Variants in MCC observed in about 807,000 individuals in gnomAD.
MCC encodes colorectal mutant cancer protein.
A neutral mutation model predicts 116.2 loss-of-function variants in MCC; 90 were observed. The observed-to-expected ratio is 0.77, with a 90% CI of 0.65 to 0.92. The LOEUF is 0.92. Among genes scored for constraint, MCC ranks in the 40% least tolerant of loss-of-function variants. The pLI is 0.00. For missense variants in MCC, 1,516 were observed against 1,312.2 expected, an observed-to-expected ratio of 1.16 and a Z score of -2.40; for synonymous variants, 578 against 510.5, an observed-to-expected ratio of 1.13 and a Z score of -1.78.
Position 113,331,999 on chromosome 5 carries a change from A to G in MCC, c.627+8520T>C, listed in dbSNP as rs1020393634. The stretch of plus-strand genomic sequence containing the variant: ...TCATTCAGCATAATTTTTAATGACA[A>G]TACCACCTTGAGAACTCCTGATGAC... On this transcript the variant is annotated intron_variant, in intron 3 of 18. Transcript: ENST00000408903. Among the ~76,000 whole-genome samples, 3 of 151,582 alleles carry G rather than the reference A, an allele frequency of 2.0e-5. 1 individual carries two copies. Among genetic ancestry groups the G allele is most frequent in the Admixed American group, 2.0e-4 (3 of 15,230 alleles).
intron 3 of MCC, among the ~76,000 whole-genome samples, chr5:113,240,275 C>T (rs80144829): frequency 0.034 from 5,135 of 152,144 alleles, 113 homozygotes; most frequent in East Asian, 0.08. Context: ...CTAAATATAC[C>T]CAGGCCTCAG....
At chr5:113,153,868 TG>T (rs984012012) in intron 3 of MCC, among the ~76,000 whole-genome samples, 2 of 152,238 alleles carry the variant, frequency 1.3e-5, no homozygotes, top group African/African-American at 4.8e-5. Context: ...GGTTAGGATC[TG>T]GAATCCAGAG....
At chr5:113,075,941 A>G (rs1041649368) in intron 11 of MCC, among the ~76,000 whole-genome samples, 4 of 152,126 alleles carry the variant, frequency 2.6e-5, no homozygotes, top group African/African-American at 9.7e-5. Context: ...CCCCTTTAAG[A>G]GCTGTAACTC....
intron 3 of MCC, among the ~76,000 whole-genome samples, chr5:113,165,996 A>T (rs1380446580): frequency 2.0e-5 from 3 of 152,308 alleles, no homozygotes; most frequent in East Asian, 3.9e-4. Context: ...TGAAGGCTGC[A>T]TATTTTCCCA....
chr5:113,102,445 A>G (rs1207259292), intron 7 of MCC, among the ~76,000 whole-genome samples: 1 of 152,228 alleles, frequency 6.6e-6, no homozygotes, highest in Non-Finnish European at 1.5e-5. Context: ...TCCAGCTTTT[A>G]GTGCCACATC....
At chr5:113,294,587 G>T (rs920165748) in intron 3 of MCC, 9 of 1,244,484 alleles carry the variant, frequency 7.2e-6, no homozygotes, top group African/African-American at 1.6e-5. Flanking sequence ...TTTCACGGAC[G>T]AGCCATTGCT....
chr5:113,126,018 C>G (rs1280845578), intron 5 of MCC, among the ~76,000 whole-genome samples: 1 of 152,152 alleles, frequency 6.6e-6, no homozygotes, highest in Non-Finnish European at 1.5e-5. Flanking sequence ...AAGTGACACT[C>G]TGTAGTGGTA....
At chr5:113,429,057 A>G (rs1042159606) in intron 1 of MCC, among the ~76,000 whole-genome samples, 1 of 152,170 alleles carries the variant, frequency 6.6e-6, no homozygotes, top group African/African-American at 2.4e-5. Flanking sequence ...GCTCTCCTTC[A>G]CCGAAGAAAT....
At chr5:113,351,594 A>C (rs1768269412) in intron 2 of MCC, among the ~76,000 whole-genome samples, 1 of 152,148 alleles carries the variant, frequency 6.6e-6, no homozygotes, top group South Asian at 2.1e-4. Context: ...TGTGTACAAA[A>C]AAATAGTTAG....
At position 113,095,876 on chromosome 5, in the gene MCC, A is replaced by G. The variant is rs56364649; in HGVS notation, c.1398+5863T>C. ...TGTCAATACTATCAATATTATTAACAGAGCCTTTCTTAAAAATAAGCCCTA... is the reference window on the plus strand; with the variant it reads ...TGTCAATACTATCAATATTATTAACGGAGCCTTTCTTAAAAATAAGCCCTA... On this transcript the variant is annotated intron_variant, in intron 8 of 18. Coordinates refer to ENST00000408903, the MANE Select transcript of MCC (RefSeq NM_001085377.2). Among the ~76,000 whole-genome samples, 860 of 152,200 alleles carry G rather than the reference A, an allele frequency of 5.7e-3. 6 individuals are homozygous for G. The highest frequency in any genetic ancestry group is 9.0e-3 in the Admixed American group (138 of 15,292).
intron 1 of MCC, among the ~76,000 whole-genome samples, chr5:113,469,569 C>A (rs890925044): frequency 2.6e-5 from 4 of 152,146 alleles, no homozygotes; most frequent in African/African-American, 9.7e-5. Context: ...AATTTCTGTT[C>A]TTTTACATTT....
chr5:113,272,965 C>T (rs1031639188), intron 3 of MCC, among the ~76,000 whole-genome samples: 2 of 152,108 alleles, frequency 1.3e-5, no homozygotes, highest in African/African-American at 4.8e-5. Context: ...TTTCTTGGGG[C>T]TGCCAGCAAC....
Position 113,488,277 on chromosome 5 carries a change from C to A in MCC, c.138G>T (p.Thr46=), listed in dbSNP as rs376589810. 4.6e-5 allele frequency: 73 copies of A among 1,595,558 alleles called. No homozygotes were observed. The African/African-American group carries it at 9.0e-4, about 20-fold the overall frequency. ...EEERMRRLFQ[T]CDGDGDGYIS... ...TGTATCCGTCCCCGTCGCCGTCGCA[C>A]GTCTGGAAGAGGCGCCGCATCCTCT... The change falls in exon 1 of 19, where the codon ACG becomes ACT. Residue 46 remains threonine (T), a synonymous_variant. Coordinates refer to ENST00000408903, the MANE Select transcript of MCC (RefSeq NM_001085377.2).
chr5:113,330,847 T>C (rs1466736901), intron 3 of MCC, among the ~76,000 whole-genome samples: 1 of 152,186 alleles, frequency 6.6e-6, no homozygotes, highest in African/African-American at 2.4e-5. Context: ...AACTATCCAA[T>C]AGAATCATTT....
At chr5:113,033,833 T>G (rs921541670) in intron 17 of MCC, among the ~76,000 whole-genome samples, 9 of 152,186 alleles carry the variant, frequency 5.9e-5, no homozygotes, top group African/African-American at 2.2e-4. Flanking sequence ...CCACTTCAGC[T>G]TTTGGGCTTC....
chr5:113,090,282 T>C (rs1463841975), intron 8 of MCC, among the ~76,000 whole-genome samples: 1 of 151,616 alleles, frequency 6.6e-6, no homozygotes, highest in East Asian at 1.9e-4. Context: ...TCCCATCTGA[T>C]GGCTTCTATT....
At chr5:113,224,573 A>T (rs768584541) in intron 3 of MCC, among the ~76,000 whole-genome samples, 5 of 152,202 alleles carry the variant, frequency 3.3e-5, no homozygotes, top group African/African-American at 9.6e-5. Flanking sequence ...TGGGAAGATC[A>T]GAAGACTTTA....
chr5:113,220,862 G>C (rs1259876237), intron 3 of MCC, among the ~76,000 whole-genome samples: 1 of 152,120 alleles, frequency 6.6e-6, no homozygotes, highest in Admixed American at 6.5e-5. Flanking sequence ...GTGCAATGTT[G>C]AACAGACGTG....
chr5:113,256,172 C>A (rs560416305), intron 3 of MCC, among the ~76,000 whole-genome samples: 13 of 152,146 alleles, frequency 8.5e-5, no homozygotes, highest in African/African-American at 3.1e-4. Context: ...CTGCACCAAC[C>A]CTATCTCTTT....
Sources: allele counts gnomAD v4.1 joint callset (sites outside exome capture counted in the v4.1 genomes callset), GRCh38; gene constraint gnomAD v4.1.1; transcripts MANE v1.5; gene names NCBI Gene and HGNC (gene_info 2026-07-23, HGNC 2026-07-21).